Variants in RGS20 observed in about 807,000 individuals in gnomAD.
The protein encoded by RGS20 is gz-selective GTPase-activating protein.
A neutral mutation model predicts 33.6 loss-of-function variants in RGS20; 30 were observed. That is an observed-to-expected ratio of 0.89 (90% CI 0.67 to 1.21). The LOEUF (loss-of-function observed/expected upper bound fraction) is 1.21. Ranked by LOEUF, RGS20 falls within the 50% of genes most tolerant of loss-of-function variation. RGS20 has a pLI of 0.00. For synonymous variants in RGS20, 208 were observed against 197.9 expected (o/e 1.05, Z -0.43); for missense variants, 472 against 502.4 (o/e 0.94, Z 0.58).
At chr8:53,932,831 A>C (rs1814010611) in intron 2 of RGS20, among the ~76,000 whole-genome samples, 1 of 152,076 alleles carries the variant, frequency 6.6e-6, no homozygotes, top group Admixed American at 6.5e-5. Flanking sequence ...TGACTGGGAG[A>C]CACCTCCCAG....
chr8:53,943,197 C>T (rs1434723543), intron 3 of RGS20, among the ~76,000 whole-genome samples: 1 of 152,028 alleles, frequency 6.6e-6, no homozygotes, highest in Non-Finnish European at 1.5e-5. Context: ...GGGAAAAGTA[C>T]ACAGCAAACT....
At chr8:53,858,774 A>T (rs1438267368) in intron 1 of RGS20, among the ~76,000 whole-genome samples, 1 of 152,052 alleles carries the variant, frequency 6.6e-6, no homozygotes, top group Non-Finnish European at 1.5e-5. Context: ...CAGCTGGGGC[A>T]AGCTCAAAAG....
chr8:53,861,605 T>C (rs1811810275), intron 1 of RGS20, among the ~76,000 whole-genome samples: 1 of 152,254 alleles, frequency 6.6e-6, no homozygotes, highest in Non-Finnish European at 1.5e-5. Context: ...AAGGCTTTCA[T>C]CTGTGACCAT....
intron 5 of RGS20, among the ~76,000 whole-genome samples, chr8:53,956,434 T>C (rs535738778): frequency 7.2e-5 from 11 of 152,158 alleles, no homozygotes; most frequent in Non-Finnish European, 1.5e-4. Context: ...CCAGTAGGGC[T>C]GCAGAGTGAA....
intron 2 of RGS20, among the ~76,000 whole-genome samples, chr8:53,889,412 C>CTCTCTT (rs1812642047): frequency 1.9e-4 from 8 of 41,862 alleles, no homozygotes; most frequent in African/African-American, 4.5e-4. Flanking sequence ...CTCTCTCTCT[C>CTCTCTT]TTTTTTTTTT....
intron 2 of RGS20, among the ~76,000 whole-genome samples, chr8:53,936,764 CA>C (rs1563416472): frequency 6.6e-6 from 1 of 152,016 alleles, no homozygotes; most frequent in Admixed American, 6.6e-5. Context: ...CATATGGAAC[CA>C]AAAAAGAGTT....
At chr8:53,871,035 C>T (rs138849670) in intron 1 of RGS20, among the ~76,000 whole-genome samples, 3,806 of 132,078 alleles carry the variant, frequency 0.029, 164 homozygotes, top group African/African-American at 0.1. Context: ...TGCTTGAAGC[C>T]GGGTGGCAGA....
rs116374040 is a variant in RGS20 at position 53,921,333 on chromosome 8, C to A, written c.511-18243C>A. 6.5e-3 allele frequency among the ~76,000 whole-genome samples: 985 copies of A among 152,094 alleles called. 8 individuals carry two copies. Among genetic ancestry groups the A allele is most frequent in the African/African-American group, 0.021 (885 of 41,488 alleles). On this transcript the variant is annotated intron_variant, in intron 2 of 5. Transcript: ENST00000297313. ...AGAATAAGTTGGGAAGTATTCACTC[C>A]CCTTCCATTTTTTGGAACAGTTTTT... is the stretch of plus-strand genomic sequence containing the variant.
intron 1 of RGS20, among the ~76,000 whole-genome samples, chr8:53,857,159 T>C (rs1325181939): frequency 1.3e-5 from 2 of 152,244 alleles, no homozygotes; most frequent in Non-Finnish European, 2.9e-5. Flanking sequence ...TAGTAAGTAG[T>C]TTAACACTTG....
chr8:53,919,338 T>C (rs1485338384), intron 2 of RGS20, among the ~76,000 whole-genome samples: 1 of 150,752 alleles, frequency 6.6e-6, no homozygotes, highest in Non-Finnish European at 1.5e-5. Flanking sequence ...CTGTGGGTTG[T>C]CTTTTCACTT....
intron 2 of RGS20, among the ~76,000 whole-genome samples, chr8:53,906,424 C>G (rs1057134232): frequency 6.6e-6 from 1 of 152,036 alleles, no homozygotes; most frequent in African/African-American, 2.4e-5. Context: ...ACTTTGCTAT[C>G]GAGTGGCCCC....
rs1187575931 is a variant in RGS20, at chr8:53,879,817, C to G, written c.510+215C>G. ...CCTCCCCGCGGGAAGACACTCCAAG[C>G]TACTTTTTCCTGGGCCATTTCCTTT... On this transcript the variant is annotated intron_variant, in intron 2 of 5. Coordinates refer to ENST00000297313, the MANE Select transcript of RGS20 (RefSeq NM_170587.4). 6 of 458,538 alleles carry G rather than the reference C, an allele frequency of 1.3e-5. No individual in the cohort carries two copies. The East Asian group carries it at 1.8e-4, about 14-fold the overall frequency. The allele number at this position is 458,538 out of a possible 1,614,324, so 28.4% of individuals were successfully genotyped here.
chr8:53,878,341 T>C (rs1020659316), intron 1 of RGS20, among the ~76,000 whole-genome samples: 4 of 152,028 alleles, frequency 2.6e-5, no homozygotes, highest in African/African-American at 9.6e-5. Context: ...ACTCAAAAAA[T>C]AAAGAGACAT....
chr8:53,876,985 G>C (rs1284089557), intron 1 of RGS20, among the ~76,000 whole-genome samples: 1 of 152,156 alleles, frequency 6.6e-6, no homozygotes, highest in Admixed American at 6.5e-5. Context: ...CAAGTGACTT[G>C]GGAAGAAGGA....
chr8:53,880,809 G>C, intron 2 of RGS20, 63 bp from the exon 1 acceptor site: 1 of 1,339,442 alleles, frequency 7.5e-7, no homozygotes, highest in Non-Finnish European at 9.7e-7. Context: ...CGCCGCCGCT[G>C]GAGGGAGGCG....
intron 2 of RGS20, among the ~76,000 whole-genome samples, chr8:53,929,290 T>A (rs1444984802): frequency 6.6e-6 from 1 of 152,198 alleles, no homozygotes; most frequent in African/African-American, 2.4e-5. Flanking sequence ...ACCTTAAACA[T>A]GTGCAGTTTA....
rs551940225 is a variant in RGS20 at position 53,880,821 on chromosome 8, G to C, written c.510+1219G>C. 165 of 1,366,774 alleles carry C rather than the reference G, an allele frequency of 1.2e-4. No individual in the cohort carries two copies. The African/African-American group carries it at 2.4e-3, about 20-fold the overall frequency. 84.7% of individuals were successfully genotyped at this position (1,366,774 alleles called of 1,614,324 possible). On this transcript the variant is annotated intron_variant, in intron 2 of 5. Coordinates refer to ENST00000297313, the MANE Select transcript of RGS20 (RefSeq NM_170587.4). ...GTGCGCCGCCGCTGGAGGGAGGCGA[G>C]ACGTGGGATTGCCCGGCCGGGTAAA...
Position 53,923,726 on chromosome 8 carries a change from C to T in RGS20, c.511-15850C>T, listed in dbSNP as rs150682866. On this transcript the variant is annotated intron_variant, in intron 2 of 5. Transcript: ENST00000297313. Reference sequence around the variant, plus strand: ...TTCGGGAACCAAACTGCAGATGATGCGCTGCGTCTTTTTATCTCTTAGTCT... The same window carrying T: ...TTCGGGAACCAAACTGCAGATGATGTGCTGCGTCTTTTTATCTCTTAGTCT... Among the ~76,000 whole-genome samples, 429 of 152,258 alleles carry T rather than the reference C, an allele frequency of 2.8e-3. 1 individual carries two copies. The highest frequency in any genetic ancestry group is 3.5e-3 in the Non-Finnish European group (238 of 68,022).
chr8:53,869,628 A>G (rs1399915955), intron 1 of RGS20, among the ~76,000 whole-genome samples: 1 of 152,182 alleles, frequency 6.6e-6, no homozygotes, highest in African/African-American at 2.4e-5. Flanking sequence ...GCGAGCCAAG[A>G]TCACGCCACT....
Sources: gnomAD v4.1 joint callset for allele counts (sites outside exome capture counted in the v4.1 genomes callset) on GRCh38, gnomAD v4.1.1 for gene constraint, MANE v1.5 for transcripts, NCBI Gene and HGNC (gene_info 2026-07-23, HGNC 2026-07-21) for gene names.